Variants in PACRG observed in about 807,000 individuals in gnomAD.
PACRG encodes the protein parkin coregulated, also known as parkin coregulated gene protein.
A neutral mutation model predicts 29.7 loss-of-function variants in PACRG; 29 were observed. The observed-to-expected ratio is 0.98, with a 90% CI of 0.73 to 1.33. The LOEUF (loss-of-function observed/expected upper bound fraction) is 1.33, where lower values mean the gene tolerates loss of function less well. PACRG is among the 40% of genes most tolerant of loss of function. PACRG has a pLI of 0.00. For synonymous variants in PACRG, 116 were observed against 118.7 expected (o/e 0.98, Z 0.15); for missense variants, 279 against 316.2 (o/e 0.88, Z 0.89).
intron 4 of PACRG, among the ~76,000 whole-genome samples, chr6:163,135,165 C>T (rs1200218963): frequency 6.6e-6 from 1 of 151,312 alleles, no homozygotes; most frequent in African/African-American, 2.4e-5. Context: ...TGTATTTCTA[C>T]ATGTGATTCT....
intron 4 of PACRG, chr6:163,166,401 C>T (rs1431321307): frequency 6.2e-6 from 2 of 324,010 alleles, no homozygotes; most frequent in Non-Finnish European, 1.2e-5. Flanking sequence ...AATAAGTAGA[C>T]GAGGGGCAGA....
intron 4 of PACRG, among the ~76,000 whole-genome samples, chr6:163,261,116 G>C (rs1562344731): frequency 6.6e-6 from 1 of 152,094 alleles, no homozygotes; most frequent in Non-Finnish European, 1.5e-5. Context: ...CCCATCGGGA[G>C]AGCTCCTTCC....
rs141432995 is a variant in PACRG, at chr6:162,951,372, C to G, written c.292-110778C>G. ...GCTGAGCCCTGATTGGTTGATACAG[C>G]TGAGCCCAGATTGACACAGGCAGGA... On this transcript the variant is annotated intron_variant, in intron 2 of 4. Transcript: ENST00000366888. Among the ~76,000 whole-genome samples, 407 of 152,356 alleles carry G rather than the reference C, an allele frequency of 2.7e-3. 1 individual carries two copies. Among genetic ancestry groups the G allele is most frequent in the Non-Finnish European group, 4.9e-3 (333 of 68,034 alleles).
At chr6:162,784,478 G>A (rs1784311895) in intron 1 of PACRG, among the ~76,000 whole-genome samples, 2 of 152,184 alleles carry the variant, frequency 1.3e-5, no homozygotes, top group African/African-American at 4.8e-5. Flanking sequence ...GGGACTTTGT[G>A]TGATCCAAAA....
rs1044029904 is a variant in PACRG at position 163,041,968 on chromosome 6, C to T, written c.292-20182C>T. 5.3e-5 allele frequency among the ~76,000 whole-genome samples: 8 copies of T among 152,178 alleles called. No individual in the cohort carries two copies. The East Asian group carries it at 7.7e-4, about 15-fold the overall frequency. On this transcript the variant is annotated intron_variant, in intron 2 of 4. Coordinates refer to ENST00000366888, the MANE Select transcript of PACRG (RefSeq NM_001080379.2). ...GCAACTTCCGCCTCCCGGGTTCAAG[C>T]GATTCTCCTGCCTCAGCCTCCTGAG...
At chr6:163,124,177 T>A (rs1047176368) in intron 4 of PACRG, among the ~76,000 whole-genome samples, 16 of 152,232 alleles carry the variant, frequency 1.1e-4, no homozygotes, top group African/African-American at 3.9e-4. Flanking sequence ...GAGCTCTTTG[T>A]ATATTTCAGA....
At chr6:162,966,919 G>A (rs1801085521) in intron 2 of PACRG, among the ~76,000 whole-genome samples, 1 of 152,172 alleles carries the variant, frequency 6.6e-6, no homozygotes, top group South Asian at 2.1e-4. Flanking sequence ...ATAAGGAAGA[G>A]AAATTTGTGT....
chr6:162,883,323 T>C (rs1414607793), intron 2 of PACRG, among the ~76,000 whole-genome samples: 1 of 152,244 alleles, frequency 6.6e-6, no homozygotes, highest in Non-Finnish European at 1.5e-5. Context: ...GCCCGCTGCC[T>C]ATTTAGCTGG....
At chr6:162,798,197 T>C (rs945438936) in intron 1 of PACRG, among the ~76,000 whole-genome samples, 1 of 152,224 alleles carries the variant, frequency 6.6e-6, no homozygotes, top group African/African-American at 2.4e-5. Context: ...CTCTCTATTC[T>C]GTCGGAAAGA....
chr6:162,983,254 C>T (rs946016384), intron 2 of PACRG, among the ~76,000 whole-genome samples: 1 of 151,954 alleles, frequency 6.6e-6, no homozygotes, highest in African/African-American at 2.4e-5. Context: ...GGATTTTTAT[C>T]CATTCTGCCA....
chr6:162,985,775 T>A (rs77254462), intron 2 of PACRG, among the ~76,000 whole-genome samples: 6,615 of 152,098 alleles, frequency 0.043, 354 homozygotes, highest in African/African-American at 0.13. Flanking sequence ...TGTTGCTGTT[T>A]CCTGATAATA....
intron 4 of PACRG, among the ~76,000 whole-genome samples, chr6:163,168,004 G>A (rs1481567517): frequency 2.6e-5 from 4 of 152,136 alleles, no homozygotes; most frequent in Non-Finnish European, 4.4e-5. Context: ...TTGCTGCGGT[G>A]TTTGTTTTAT....
intron 3 of PACRG, among the ~76,000 whole-genome samples, chr6:163,081,948 A>T (rs1813125920): frequency 6.6e-6 from 1 of 152,234 alleles, no homozygotes; most frequent in Admixed American, 6.5e-5. Flanking sequence ...GATAAATATT[A>T]GAAAGCAAAC....
chr6:162,837,746 G>A (rs568460868), intron 2 of PACRG, among the ~76,000 whole-genome samples: 3 of 152,128 alleles, frequency 2.0e-5, no homozygotes, highest in Admixed American at 6.6e-5. Context: ...CATACACACC[G>A]ACCAGTCATA....
At chr6:162,911,338 C>T (rs1221640177) in intron 2 of PACRG, among the ~76,000 whole-genome samples, 1 of 152,190 alleles carries the variant, frequency 6.6e-6, no homozygotes, top group Admixed American at 6.5e-5. Flanking sequence ...GTGAGATTTT[C>T]TTCTCTTCTG....
At chr6:162,970,355 G>A (rs1301557340) in intron 2 of PACRG, among the ~76,000 whole-genome samples, 1 of 152,136 alleles carries the variant, frequency 6.6e-6, no homozygotes, top group East Asian at 1.9e-4. Context: ...GAGCTGCTGT[G>A]GGAATATACT....
intron 1 of PACRG, among the ~76,000 whole-genome samples, chr6:162,743,991 A>G (rs913651561): frequency 1.3e-5 from 2 of 152,202 alleles, no homozygotes; most frequent in African/African-American, 4.8e-5. Context: ...TTTAAAAGAT[A>G]TGTAATTGTA....
chr6:163,111,121 T>C (rs1815690703), intron 4 of PACRG, among the ~76,000 whole-genome samples: 2 of 152,218 alleles, frequency 1.3e-5, no homozygotes, highest in Admixed American at 1.3e-4. Flanking sequence ...ACCACCCACT[T>C]TGTGCAGAGC....
chr6:163,220,394 C>T (rs748610174), intron 4 of PACRG, among the ~76,000 whole-genome samples: 2 of 152,136 alleles, frequency 1.3e-5, no homozygotes, highest in Admixed American at 6.6e-5. Flanking sequence ...GACTGCTAAG[C>T]GGGGGCAAGT....
Sources: allele counts gnomAD v4.1 joint callset (sites outside exome capture counted in the v4.1 genomes callset), GRCh38; gene constraint gnomAD v4.1.1; transcripts MANE v1.5; gene names NCBI Gene and HGNC (gene_info 2026-07-23, HGNC 2026-07-21).